Variants in SCEL observed in about 807,000 individuals in gnomAD.
SCEL encodes sciellin.
Under a neutral mutation model 117.6 loss-of-function variants are expected in SCEL, and 113 were observed. That is an observed-to-expected ratio of 0.96 (90% CI 0.83 to 1.12). The LOEUF (loss-of-function observed/expected upper bound fraction) is 1.12. Ranked by LOEUF, SCEL falls within the 50% of genes most tolerant of loss-of-function variation. The pLI, the probability that SCEL is intolerant of heterozygous loss-of-function variation, is 0.00. For missense variants in SCEL, 785 were observed against 810.8 expected (o/e 0.97, Z 0.39); for synonymous variants, 270 against 256.2 (o/e 1.05, Z -0.51).
At chr13:77,566,166 C>A (rs2085276094) in intron 5 of SCEL, among the ~76,000 whole-genome samples, 1 of 152,058 alleles carries the variant, frequency 6.6e-6, no homozygotes, top group African/African-American at 2.4e-5. Context: ...GGTCTGTTAA[C>A]CTAATATATG....
At chr13:77,640,914 A>G in intron 31 of SCEL, 130 bp downstream of exon 31, 1 of 515,218 alleles carries the variant, frequency 1.9e-6, no homozygotes, top group Non-Finnish European at 3.4e-6. Flanking sequence ...TTAATAGTAC[A>G]CTACTTAAAT....
In SCEL at chr13:77,597,570, A is replaced by G. The variant is rs36065524; in HGVS notation, c.778A>G (p.Met260Val). Residue 260 changes from methionine to valine, a missense_variant, in exon 13 of 33, where the codon ATG (methionine) becomes GTG (valine). By Grantham distance (21) the Met-to-Val change is conservative (BLOSUM62 1). Transcript: ENST00000349847. ...TGAAGAATTGGATAATCTCATCAAA[A>G]TGAACAAAAGCTTGAATAGGTAAGA... The part of the protein sequence containing the change: ...KGEELDNLIK[M>V]NKSLNRNQGL... 6.7e-6 allele frequency: 10 copies of G among 1,488,074 alleles called. No homozygotes were observed. Among genetic ancestry groups the G allele is most frequent in the South Asian group, 1.2e-5 (1 of 80,688 alleles). 92.2% of individuals were successfully genotyped at this position (1,488,074 alleles called of 1,614,324 possible).
chr13:77,631,804 T>A (rs1594181428), intron 28 of SCEL, among the ~76,000 whole-genome samples: 1 of 152,206 alleles, frequency 6.6e-6, no homozygotes, highest in East Asian at 1.9e-4. Context: ...TAAACACAAC[T>A]GGGAAAAGAT....
chr13:77,622,506 T>C (rs576712645), intron 27 of SCEL, among the ~76,000 whole-genome samples: 96 of 152,210 alleles, frequency 6.3e-4, no homozygotes, highest in Non-Finnish European at 1.1e-3. Context: ...ATTCTTATAC[T>C]CAAAAATTGT....
intron 1 of SCEL, among the ~76,000 whole-genome samples, chr13:77,548,497 G>T (rs1387698760): frequency 6.6e-6 from 1 of 152,210 alleles, no homozygotes; most frequent in African/African-American, 2.4e-5. Context: ...ATCTAATGGG[G>T]AAAAGAAGGG....
chr13:77,540,811 G>A (rs530228786), intron 1 of SCEL, among the ~76,000 whole-genome samples: 3 of 152,188 alleles, frequency 2.0e-5, no homozygotes, highest in Non-Finnish European at 4.4e-5. Context: ...ACCCTTGAAC[G>A]ACTTTAAGTA....
intron 22 of SCEL, 33 bp downstream of exon 22, chr13:77,610,139 C>CA: frequency 1.4e-6 from 2 of 1,444,728 alleles, no homozygotes; most frequent in South Asian, 1.3e-5. Flanking sequence ...TTTCTCCCCC[C>CA]TTTTTTTTTC....
rs1291541971 is a variant in SCEL, at chr13:77,618,088, T to C, written c.1628+28T>C. On this transcript the variant is annotated intron_variant, in intron 27 of 32. Coordinates refer to ENST00000349847, the MANE Select transcript of SCEL (RefSeq NM_144777.3). The stretch of plus-strand genomic sequence containing the variant: ...AAATGACCTTGACTATCTTGACATG[T>C]TTACAAGTTTCTAGGGTAGGAACTT... 5.1e-6 allele frequency: 8 copies of C among 1,577,922 alleles called. No individual in the cohort carries two copies. The African/African-American group carries it at 1.1e-4, about 21-fold the overall frequency.
At chr13:77,546,741 TGGAA>T (rs1011889503) in intron 1 of SCEL, among the ~76,000 whole-genome samples, 3 of 152,096 alleles carry the variant, frequency 2.0e-5, no homozygotes, top group East Asian at 1.9e-4. Flanking sequence ...ATTTTTCTCT[TGGAA>T]GGAGAAGTTC....
intron 29 of SCEL, among the ~76,000 whole-genome samples, chr13:77,636,883 A>T (rs190463372): frequency 6.6e-6 from 1 of 152,180 alleles, no homozygotes; most frequent in Admixed American, 6.5e-5. Flanking sequence ...TCCTGCTCAC[A>T]CTTGTTCCTG....
chr13:77,572,085 T>G (rs747686828), intron 8 of SCEL, 39 bp from the exon 9 acceptor site: 6 of 1,568,914 alleles, frequency 3.8e-6, no homozygotes, highest in Non-Finnish European at 5.3e-6. Flanking sequence ...GGATCAGCCT[T>G]TCAATCACAA....
intron 29 of SCEL, among the ~76,000 whole-genome samples, chr13:77,635,140 G>A (rs1378263608): frequency 2.0e-5 from 3 of 152,146 alleles, no homozygotes; most frequent in African/African-American, 7.2e-5. Flanking sequence ...CAGTCGTGAT[G>A]GGGATCCAGG....
chr13:77,599,513 C>A, intron 14 of SCEL, 125 bp downstream of exon 14: 1 of 888,202 alleles, frequency 1.1e-6, no homozygotes, highest in Non-Finnish European at 1.8e-6. Flanking sequence ...TGGGGTAGTG[C>A]TCTCAGCATT....
chr13:77,637,145 G>T lies in SCEL; in HGVS notation c.1789G>T (p.Glu597Ter). Residue 597 changes from glutamate to a stop codon, truncating the protein, a stop_gained, in exon 30 of 33, where the codon GAG (glutamate) becomes TAG (stop). Coordinates refer to ENST00000349847, the MANE Select transcript of SCEL (RefSeq NM_144777.3). LOFTEE classifies it high-confidence loss of function. Reference sequence around the variant, plus strand: ...TAAATCACCCAAGGATGGATATCAGGAGAATATCTCTGGAAAATACATACA... The same window carrying T: ...TAAATCACCCAAGGATGGATATCAGTAGAATATCTCTGGAAAATACATACA... ...NSKSPKDGYQ[E>*]NISGKYIQTV... is the part of the protein sequence containing the mutation. The T allele has an allele frequency of 6.4e-7, 1 of 1,555,612 alleles. No individual in the cohort carries two copies. Among genetic ancestry groups the T allele is most frequent in the Non-Finnish European group, 8.7e-7 (1 of 1,150,626 alleles).
chr13:77,554,811 C>T (rs2084556361), intron 1 of SCEL, among the ~76,000 whole-genome samples: 1 of 152,074 alleles, frequency 6.6e-6, no homozygotes, highest in South Asian at 2.1e-4. Context: ...GAATGCCCCT[C>T]CTATGGTCCA....
In SCEL at chr13:77,536,672, A is replaced by G. The variant is rs138751571; in HGVS notation, c.-20+848A>G. On this transcript the variant is annotated intron_variant, in intron 1 of 32. Transcript: ENST00000349847. ...AAGCTGACTTGTGTTTTTTCTCATCATTTCTATTTATGATACAGAGCTGTG... is the reference window on the plus strand; with the variant it reads ...AAGCTGACTTGTGTTTTTTCTCATCGTTTCTATTTATGATACAGAGCTGTG... Among the ~76,000 whole-genome samples the G allele has an allele frequency of 2.4e-3, 362 of 152,158 alleles. 5 individuals carry two copies. Among genetic ancestry groups the G allele is most frequent in the Non-Finnish European group, 1.4e-3 (92 of 68,010 alleles).
At chr13:77,613,264 C>A (rs1437944074) in intron 23 of SCEL, among the ~76,000 whole-genome samples, 1 of 151,942 alleles carries the variant, frequency 6.6e-6, no homozygotes, top group Admixed American at 6.6e-5. Context: ...CTGAACAAAT[C>A]AGTAAATATT....
rs192697976 is a variant in SCEL at position 77,573,685 on chromosome 13, C to T, written c.545+1496C>T. 5.9e-5 allele frequency among the ~76,000 whole-genome samples: 9 copies of T among 151,528 alleles called. No homozygotes were observed. The East Asian group carries it at 1.5e-3, about 26-fold the overall frequency. On this transcript the variant is annotated intron_variant, in intron 9 of 32. Transcript: ENST00000349847. ...TCTATCTATCTATCTATCTATCTGT[C>T]TATCTATCTAATCTATCTCTGTCTG...
At chr13:77,593,302 G>GCGCGCGTC (rs1195018660) in intron 11 of SCEL, among the ~76,000 whole-genome samples, 3 of 147,286 alleles carry the variant, frequency 2.0e-5, no homozygotes, top group African/African-American at 5.1e-5. Context: ...GTGTGTCTGT[G>GCGCGCGTC]TGTGTGTGTG....
Sources: allele counts gnomAD v4.1 joint callset (sites outside exome capture counted in the v4.1 genomes callset), GRCh38; gene constraint gnomAD v4.1.1; transcripts MANE v1.5; gene names NCBI Gene and HGNC (gene_info 2026-07-23, HGNC 2026-07-21).